CALD1: variants seen among roughly 807,000 people sequenced by gnomAD.
The protein encoded by CALD1 is caldesmon.
Under a neutral mutation model 99.9 loss-of-function variants are expected in CALD1, and 33 were observed. That is an observed-to-expected ratio of 0.33 (90% CI 0.25 to 0.44). CALD1 has a LOEUF of 0.44. Ranked by LOEUF, CALD1 falls within the 20% of genes least tolerant of loss-of-function variation. The probability of loss-of-function intolerance (pLI) is 1.00; values close to 1 mark genes in which losing one functional copy is unlikely to be tolerated. For synonymous variants in CALD1, 310 were observed against 325.0 expected, an observed-to-expected ratio of 0.95 and a Z score of 0.50; for missense variants, 861 against 962.1, an observed-to-expected ratio of 0.89 and a Z score of 1.39.
At chr7:134,755,727 C>T (rs545770198) in intron 1 of CALD1, among the ~76,000 whole-genome samples, 44 of 152,242 alleles carry the variant, frequency 2.9e-4, no homozygotes, top group African/African-American at 1.0e-3. Flanking sequence ...TTACATTTTA[C>T]TTGTGTTATT....
chr7:134,845,516 C>T lies in CALD1; in HGVS notation c.-42+1545C>T, dbSNP rs193081517. Among the ~76,000 whole-genome samples the T allele has an allele frequency of 5.3e-4, 81 of 152,306 alleles. 2 individuals carry two copies. The highest frequency in any genetic ancestry group is 1.9e-3 in the African/African-American group (78 of 41,564). ...CAGAGGTAGGAAATAGTAAATAGCA[C>T]AAGCATGCCCCAGTTAAGGTGGCCT... is the stretch of plus-strand genomic sequence containing the variant. On this transcript the variant is annotated intron_variant, in intron 2 of 14. Coordinates refer to ENST00000361675, the MANE Select transcript of CALD1 (RefSeq NM_033138.4).
At chr7:134,934,471 G>T (rs1805798564) in intron 5 of CALD1, among the ~76,000 whole-genome samples, 1 of 152,138 alleles carries the variant, frequency 6.6e-6, no homozygotes, top group African/African-American at 2.4e-5. Flanking sequence ...AGGTCTGCAT[G>T]AGGCAAGAGG....
At chr7:134,793,666 G>A (rs1301429786) in intron 1 of CALD1, among the ~76,000 whole-genome samples, 1 of 152,130 alleles carries the variant, frequency 6.6e-6, no homozygotes, top group Non-Finnish European at 1.5e-5. Flanking sequence ...ACGTTGAAGA[G>A]GGAAAGAAGG....
At position 134,933,245 on chromosome 7, in the gene CALD1, G is replaced by A. The variant is rs61755271; in HGVS notation, c.476G>A (p.Arg159Lys). 3,497 of 1,608,310 alleles carry A rather than the reference G, an allele frequency of 2.2e-3. 10 individuals are homozygous for A. The highest frequency in any genetic ancestry group is 2.7e-3 in the Non-Finnish European group (3,194 of 1,177,970). Residue 159 changes from arginine (R) to lysine (K), a missense_variant, in exon 5 of 15, where the codon AGA (arginine) becomes AAA (lysine). By Grantham distance (26) the Arg-to-Lys change is conservative. Around this residue, in one of 5 missense-constraint regions of CALD1, gnomAD observed 234 missense variants for 233.1 expected, o/e 1.00. Coordinates refer to ENST00000361675, the MANE Select transcript of CALD1 (RefSeq NM_033138.4). ...GAAAAAAGTGAAAGTCGCCAAGAAAGATACGAGATAGAGGAAACAGAAACA... is the reference window on the plus strand; with the variant it reads ...GAAAAAAGTGAAAGTCGCCAAGAAAAATACGAGATAGAGGAAACAGAAACA... ...KEEKSESRQE[R>K]YEIEETETVT...
At chr7:134,761,126 A>G (rs1796772888) in intron 1 of CALD1, among the ~76,000 whole-genome samples, 1 of 152,198 alleles carries the variant, frequency 6.6e-6, no homozygotes, top group Non-Finnish European at 1.5e-5. Context: ...TTAGGACATA[A>G]GAAGTGAGAA....
rs548935313 is a variant in CALD1, at chr7:134,823,255, T to A, written c.-129-20629T>A. On this transcript the variant is annotated intron_variant, in intron 1 of 14. Transcript: ENST00000361675. Reference sequence around the variant, plus strand: ...ATAAAATATCTCGATATTTACATGGTTCATTTTGACCGTACCCACAGGGCA... The same window carrying A: ...ATAAAATATCTCGATATTTACATGGATCATTTTGACCGTACCCACAGGGCA... 7.3e-4 allele frequency among the ~76,000 whole-genome samples: 111 copies of A among 152,280 alleles called. 8 individuals are homozygous for A. The South Asian group carries it at 0.013, about 17-fold the overall frequency.
At chr7:134,754,222 T>G (rs960455699) in intron 1 of CALD1, among the ~76,000 whole-genome samples, 1 of 152,108 alleles carries the variant, frequency 6.6e-6, no homozygotes, top group African/African-American at 2.4e-5. Context: ...GCCTGAGATG[T>G]GGAAAGGAGA....
At chr7:134,740,194 G>T (rs184031463), upstream of CALD1, among the ~76,000 whole-genome samples, 127 of 152,178 alleles carry the variant, frequency 8.3e-4, no homozygotes, top group African/African-American at 2.9e-3. Context: ...TGAACTGTTG[G>T]ACTATTCTCT....
At chr7:134,932,305 A>T (rs1172467999) in intron 4 of CALD1, among the ~76,000 whole-genome samples, 1 of 152,142 alleles carries the variant, frequency 6.6e-6, no homozygotes, top group South Asian at 2.1e-4. Flanking sequence ...GAATCTCAAC[A>T]CTGTAATGTA....
At chr7:134,797,820 G>A (rs997244880) in intron 1 of CALD1, among the ~76,000 whole-genome samples, 1 of 152,100 alleles carries the variant, frequency 6.6e-6, no homozygotes, top group African/African-American at 2.4e-5. Flanking sequence ...TCGATCTCCT[G>A]ACCTCAGGTG....
chr7:134,824,936 T>C (rs1798930260), intron 1 of CALD1, among the ~76,000 whole-genome samples: 1 of 152,158 alleles, frequency 6.6e-6, no homozygotes, highest in Admixed American at 6.6e-5. Context: ...AAGAGACTGT[T>C]GTTGGAATTT....
intron 1 of CALD1, among the ~76,000 whole-genome samples, chr7:134,806,335 A>G (rs1798136474): frequency 6.6e-6 from 1 of 152,156 alleles, no homozygotes; most frequent in African/African-American, 2.4e-5. Context: ...CTTCCTCATT[A>G]GTAGGCTGTC....
At chr7:134,928,450 A>C (rs980240907) in intron 3 of CALD1, among the ~76,000 whole-genome samples, 2 of 151,602 alleles carry the variant, frequency 1.3e-5, no homozygotes, top group South Asian at 2.1e-4. Flanking sequence ...AAAAAAAAAA[A>C]AAAAAACTAA....
chr7:134,770,760 T>C (rs1320160309), intron 1 of CALD1, among the ~76,000 whole-genome samples: 1 of 152,126 alleles, frequency 6.6e-6, no homozygotes, highest in South Asian at 2.1e-4. Context: ...ACCCACTGCA[T>C]GGGGGAATGC....
chr7:134,815,663 A>C (rs1409816001), intron 1 of CALD1, among the ~76,000 whole-genome samples: 2 of 152,148 alleles, frequency 1.3e-5, no homozygotes, highest in Non-Finnish European at 2.9e-5. Context: ...TCCTATACCA[A>C]AATTTTACCT....
the CALD1 span, among the ~76,000 whole-genome samples, chr7:134,737,491 T>TA: frequency 1.6e-4 from 25 of 151,874 alleles, no homozygotes; most frequent in East Asian, 3.9e-4. Flanking sequence ...TTTAGTTCTT[T>TA]AAAAAAAAAT....
At position 134,960,123 on chromosome 7, in the gene CALD1, A is replaced by G; in HGVS notation, c.2199+12A>G. The stretch of plus-strand genomic sequence containing the variant: ...GCACACCAAATAAGGTGAGCATCTG[A>G]TTTTTGTCTCTTAAGTGTAGAGGGG... On this transcript the variant is annotated intron_variant, in intron 12 of 14. Transcript: ENST00000361675. The G allele has an allele frequency of 6.2e-7, 1 of 1,613,910 alleles. No homozygotes were observed. The highest frequency in any genetic ancestry group is 8.5e-7 in the Non-Finnish European group (1 of 1,179,940).
intron 1 of CALD1, among the ~76,000 whole-genome samples, chr7:134,772,025 G>C (rs1017764783): frequency 2.0e-5 from 3 of 151,480 alleles, no homozygotes; most frequent in Admixed American, 2.0e-4. Flanking sequence ...ACAACATCTA[G>C]AACAGGCCCT....
At chr7:134,755,533 T>C (rs1269928929) in intron 1 of CALD1, among the ~76,000 whole-genome samples, 1 of 152,194 alleles carries the variant, frequency 6.6e-6, no homozygotes, top group Non-Finnish European at 1.5e-5. Context: ...CTTATCTTTC[T>C]TCTTATTGAT....
Sources: allele counts gnomAD v4.1 joint callset (sites outside exome capture counted in the v4.1 genomes callset), GRCh38; gene constraint gnomAD v4.1.1; regional missense constraint gnomAD v4.1.1; transcripts MANE v1.5; gene names NCBI Gene and HGNC (gene_info 2026-07-23, HGNC 2026-07-21).